Variants in SLC35F1 observed in about 807,000 individuals in gnomAD.
SLC35F1 encodes solute carrier family 35 member F1.
SLC35F1 carries 14 observed loss-of-function variants against 48.7 expected under a neutral mutation model. That is an observed-to-expected ratio of 0.29 (90% confidence interval 0.19 to 0.45). The LOEUF (loss-of-function observed/expected upper bound fraction) is 0.45, where lower values mean the gene tolerates loss of function less well. Ranked by LOEUF, SLC35F1 falls within the 20% of genes least tolerant of loss-of-function variation. SLC35F1 has a pLI of 1.00. For missense variants in SLC35F1, 404 were observed against 500.0 expected, an observed-to-expected ratio of 0.81 and a Z score of 1.83; for synonymous variants, 190 against 202.2, an observed-to-expected ratio of 0.94 and a Z score of 0.51.
At chr6:117,931,301 T>G (rs985482305) in intron 1 of SLC35F1, among the ~76,000 whole-genome samples, 1 of 152,226 alleles carries the variant, frequency 6.6e-6, no homozygotes, top group African/African-American at 2.4e-5. Flanking sequence ...AATGTATATG[T>G]CAATAAAGTG....
At chr6:118,277,460 T>G in intron 5 of SLC35F1, 34 bp from the exon 6 acceptor site, 2 of 1,597,048 alleles carry the variant, frequency 1.3e-6, no homozygotes, top group Admixed American at 1.7e-5. Context: ...CATTCTAATC[T>G]TGCTCATCAG....
intron 2 of SLC35F1, among the ~76,000 whole-genome samples, chr6:118,200,157 T>TAC (rs1774854500): frequency 7.2e-6 from 1 of 138,288 alleles, no homozygotes; most frequent in African/African-American, 2.8e-5. Context: ...CATACATACA[T>TAC]ATATACATAC....
Position 117,953,364 on chromosome 6 carries a change from T to C in SLC35F1, c.173+45465T>C, listed in dbSNP as rs1202754833. ...TTATTTGCTTTATTTTTTATTGAAT[T>C]TTTTTCTAAATATGGCTTTGTACAC... is the stretch of plus-strand genomic sequence containing the variant. On this transcript the variant is annotated intron_variant, in intron 1 of 7. Coordinates refer to ENST00000360388, the MANE Select transcript of SLC35F1 (RefSeq NM_001029858.4). Among the ~76,000 whole-genome samples the C allele has an allele frequency of 4.6e-5, 7 of 152,010 alleles. No homozygotes were observed. In the East Asian group the frequency reaches 1.3e-3, roughly 29 times the overall value.
At chr6:118,130,470 C>G (rs1191963574) in intron 1 of SLC35F1, among the ~76,000 whole-genome samples, 1 of 152,000 alleles carries the variant, frequency 6.6e-6, no homozygotes, top group Non-Finnish European at 1.5e-5. Flanking sequence ...GACTCCATCT[C>G]AAACAAACAA....
intron 1 of SLC35F1, among the ~76,000 whole-genome samples, chr6:117,908,860 A>T (rs1775729359): frequency 6.6e-6 from 1 of 152,176 alleles, no homozygotes; most frequent in African/African-American, 2.4e-5. Flanking sequence ...TAACTGTTCC[A>T]GTCGCTCTGT....
chr6:118,171,637 T>C (rs544583789), intron 2 of SLC35F1, among the ~76,000 whole-genome samples: 2 of 152,180 alleles, frequency 1.3e-5, no homozygotes, highest in Non-Finnish European at 2.9e-5. Flanking sequence ...AGTGTCACCA[T>C]TGAATATTAT....
intron 2 of SLC35F1, among the ~76,000 whole-genome samples, chr6:118,168,458 C>T (rs532074548): frequency 6.6e-6 from 1 of 152,006 alleles, no homozygotes; most frequent in Admixed American, 6.6e-5. Context: ...TAAAATAGAA[C>T]AATTATAACA....
intron 1 of SLC35F1, among the ~76,000 whole-genome samples, chr6:118,047,881 C>T (rs112643432): frequency 6.6e-6 from 1 of 152,126 alleles, no homozygotes; most frequent in Non-Finnish European, 1.5e-5. Context: ...ATTTCCTTCT[C>T]CTGCCTAATT....
chr6:117,960,924 T>C (rs1250030670), intron 1 of SLC35F1, among the ~76,000 whole-genome samples: 5 of 152,174 alleles, frequency 3.3e-5, no homozygotes, highest in Non-Finnish European at 7.4e-5. Context: ...ACTTAAGAGC[T>C]TAAGAGGAGA....
At chr6:118,056,922 C>T (rs940844768) in intron 1 of SLC35F1, among the ~76,000 whole-genome samples, 3 of 149,906 alleles carry the variant, frequency 2.0e-5, no homozygotes, top group African/African-American at 4.9e-5. Context: ...TGTTTGGCAG[C>T]GCTGACAAGT....
intron 7 of SLC35F1, among the ~76,000 whole-genome samples, chr6:118,306,435 T>C (rs1008115328): frequency 2.6e-5 from 4 of 152,220 alleles, no homozygotes; most frequent in African/African-American, 9.6e-5. Context: ...TCAGTATTTT[T>C]CCCTGGCTTT....
chr6:118,172,411 TTTA>T (rs1774419875), intron 2 of SLC35F1, among the ~76,000 whole-genome samples: 1 of 152,166 alleles, frequency 6.6e-6, no homozygotes, highest in Non-Finnish European at 1.5e-5. Context: ...TTGTGGCATT[TTTA>T]TTAACGTCTC....
chr6:118,287,420 G>A (rs1251103964), intron 7 of SLC35F1, among the ~76,000 whole-genome samples: 1 of 152,148 alleles, frequency 6.6e-6, no homozygotes, highest in Non-Finnish European at 1.5e-5. Flanking sequence ...TTCCTTAAGG[G>A]AAGATAACCA....
At chr6:118,022,434 A>G (rs1777407404) in intron 1 of SLC35F1, among the ~76,000 whole-genome samples, 2 of 152,142 alleles carry the variant, frequency 1.3e-5, no homozygotes, top group Admixed American at 6.5e-5. Context: ...TCTGGTTTGG[A>G]CAAGTGGGGA....
intron 2 of SLC35F1, among the ~76,000 whole-genome samples, chr6:118,193,539 ATTTTTATGCATTCTTATAGTC>A (rs1434272757): frequency 6.6e-6 from 1 of 152,180 alleles, no homozygotes; most frequent in Non-Finnish European, 1.5e-5. Context: ...GAAAATCCAC[ATTTTTATGCATTCTTATAGTC>A]TTTTCTAAAA....
intron 1 of SLC35F1, among the ~76,000 whole-genome samples, chr6:117,915,874 A>C (rs1775819639): frequency 6.6e-6 from 1 of 152,196 alleles, no homozygotes; most frequent in African/African-American, 2.4e-5. Flanking sequence ...GGAGGCAGCC[A>C]GGACGGAGAG....
intron 1 of SLC35F1, among the ~76,000 whole-genome samples, chr6:117,963,584 C>G (rs1213918667): frequency 6.6e-6 from 1 of 152,052 alleles, no homozygotes; most frequent in Non-Finnish European, 1.5e-5. Flanking sequence ...TTAATTGATG[C>G]TTTTTAAACT....
At chr6:118,004,035 A>G (rs1008172999) in intron 1 of SLC35F1, among the ~76,000 whole-genome samples, 8 of 152,250 alleles carry the variant, frequency 5.3e-5, no homozygotes, top group Admixed American at 4.6e-4. Flanking sequence ...AAGTGAAAGT[A>G]ACTTACCAAT....
chr6:118,215,478 T>C (rs896668565), intron 2 of SLC35F1, among the ~76,000 whole-genome samples: 2 of 150,226 alleles, frequency 1.3e-5, no homozygotes, highest in Non-Finnish European at 3.0e-5. Flanking sequence ...ACCGAGACAA[T>C]GGTGGGCCAT....
Sources: gnomAD v4.1 joint callset for allele counts (sites outside exome capture counted in the v4.1 genomes callset) on GRCh38, gnomAD v4.1.1 for gene constraint, MANE v1.5 for transcripts, NCBI Gene and HGNC (gene_info 2026-07-23, HGNC 2026-07-21) for gene names.